Variants in ROBO2 observed in about 807,000 individuals in gnomAD.
The protein encoded by ROBO2 is roundabout guidance receptor 2, also known as roundabout homolog 2.
In ROBO2, 53 loss-of-function variants were observed where a neutral mutation model predicts 160.8. The ratio of observed to expected loss-of-function variants is 0.33; its 90% CI spans 0.26 to 0.41. The LOEUF is 0.41. Ranked by LOEUF, ROBO2 falls within the 10% of genes least tolerant of loss-of-function variation. The pLI is 1.00. For synonymous variants in ROBO2, 664 were observed against 611.7 expected (o/e 1.09, Z -1.26); for missense variants, 1,577 against 1,722.4 (o/e 0.92, Z 1.49).
intron 2 of ROBO2, among the ~76,000 whole-genome samples, chr3:76,342,882 GAC>G (rs2074314049): frequency 6.6e-6 from 1 of 152,052 alleles, no homozygotes; most frequent in Non-Finnish European, 1.5e-5. Flanking sequence ...TTCTATTAGT[GAC>G]ACAGTTGTTT....
rs148043295 is a variant in ROBO2 at position 76,495,867 on chromosome 3, C to T, written c.109+558265C>T. 1.0e-3 allele frequency among the ~76,000 whole-genome samples: 157 copies of T among 152,248 alleles called. 1 individual carries two copies. The highest frequency in any genetic ancestry group is 0.01 in the Middle Eastern group (3 of 294). ...GAAAAGTGATGGACATTTCTTACTA[C>T]AATGATGCATGGTTTTATGTTTCTA... On this transcript the variant is annotated intron_variant, in intron 2 of 26. Transcript: ENST00000487694.
intron 2 of ROBO2, among the ~76,000 whole-genome samples, chr3:75,990,046 A>G (rs1343065592): frequency 1.3e-5 from 2 of 152,160 alleles, no homozygotes; most frequent in Non-Finnish European, 2.9e-5. Context: ...TTTTCTAAAA[A>G]CCATTGTTAA....
intron 2 of ROBO2, among the ~76,000 whole-genome samples, chr3:76,588,133 T>A (rs2086173258): frequency 1.3e-5 from 2 of 152,196 alleles, no homozygotes; most frequent in East Asian, 1.9e-4. Context: ...CAAACCCATA[T>A]CCAGATTACA....
chr3:76,055,671 T>G (rs562610209), intron 2 of ROBO2, among the ~76,000 whole-genome samples: 1 of 152,354 alleles, frequency 6.6e-6, no homozygotes, highest in Non-Finnish European at 1.5e-5. Context: ...AGGGCATGAT[T>G]TTATTATTTT....
chr3:77,571,127 C>T (rs1446646445), intron 13 of ROBO2, among the ~76,000 whole-genome samples: 1 of 151,926 alleles, frequency 6.6e-6, no homozygotes, highest in East Asian at 1.9e-4. Flanking sequence ...ACTCTTTGCC[C>T]ATTAAGCATT....
At chr3:76,395,083 A>T (rs2077362489) in intron 2 of ROBO2, among the ~76,000 whole-genome samples, 2 of 151,950 alleles carry the variant, frequency 1.3e-5, no homozygotes, top group Admixed American at 6.6e-5. Context: ...GAAGTAAAGC[A>T]CTCCTCAGCA....
chr3:77,426,900 C>T (rs1410668431), intron 2 of ROBO2, among the ~76,000 whole-genome samples: 1 of 152,052 alleles, frequency 6.6e-6, no homozygotes, highest in African/African-American at 2.4e-5. Context: ...ACTCAGCTTC[C>T]AAAGTTCATA....
chr3:76,101,753 G>C (rs2069693217), intron 2 of ROBO2, among the ~76,000 whole-genome samples: 1 of 130,858 alleles, frequency 7.6e-6, no homozygotes, highest in Non-Finnish European at 1.5e-5. Flanking sequence ...TCCCCTTCCT[G>C]TGTCCAAGTG....
At chr3:76,153,350 A>G (rs1203091648) in intron 2 of ROBO2, among the ~76,000 whole-genome samples, 1 of 152,200 alleles carries the variant, frequency 6.6e-6, no homozygotes, top group East Asian at 1.9e-4. Context: ...TCATACCAGC[A>G]GAAATGACTT....
chr3:76,987,351 T>TG (rs1459577943), intron 2 of ROBO2, among the ~76,000 whole-genome samples: 13 of 152,114 alleles, frequency 8.5e-5, no homozygotes, highest in East Asian at 5.8e-4. Context: ...TGCCGTGTAG[T>TG]GGGGGGGAGG....
At chr3:77,184,138 C>A (rs998474673) in intron 2 of ROBO2, among the ~76,000 whole-genome samples, 1 of 152,066 alleles carries the variant, frequency 6.6e-6, no homozygotes, top group Non-Finnish European at 1.5e-5. Flanking sequence ...TTTCTTACTG[C>A]TGGACAACAT....
At chr3:76,310,054 T>A (rs1329765802) in intron 2 of ROBO2, among the ~76,000 whole-genome samples, 2 of 151,992 alleles carry the variant, frequency 1.3e-5, no homozygotes, top group Admixed American at 1.3e-4. Context: ...ACTCCTGGGT[T>A]CAAGTTATAC....
chr3:76,233,585 C>T (rs1364169493), intron 2 of ROBO2, among the ~76,000 whole-genome samples: 1 of 152,200 alleles, frequency 6.6e-6, no homozygotes, highest in Non-Finnish European at 1.5e-5. Flanking sequence ...CCAGCAAATA[C>T]AACCTACGCA....
intron 2 of ROBO2, among the ~76,000 whole-genome samples, chr3:76,129,398 G>A (rs1366893375): frequency 6.6e-6 from 1 of 152,092 alleles, no homozygotes; most frequent in Non-Finnish European, 1.5e-5. Context: ...ATATTCAAAT[G>A]TGTCTTTAAA....
intron 19 of ROBO2, 34 bp downstream of exon 20, chr3:77,596,784 G>A: frequency 3.2e-6 from 5 of 1,579,978 alleles, no homozygotes; most frequent in South Asian, 1.1e-5. Context: ...TGTTATTTGA[G>A]TTCTCTCTCT....
intron 2 of ROBO2, among the ~76,000 whole-genome samples, chr3:77,466,069 A>G (rs2082729537): frequency 6.6e-6 from 1 of 152,188 alleles, no homozygotes; most frequent in Non-Finnish European, 1.5e-5. Flanking sequence ...TTAGTAGCAA[A>G]AGAAAAGAAG....
At chr3:77,392,435 G>T (rs544971551) in intron 2 of ROBO2, among the ~76,000 whole-genome samples, 11 of 152,280 alleles carry the variant, frequency 7.2e-5, no homozygotes, top group African/African-American at 2.6e-4. Context: ...CTTGCTGCAG[G>T]CAGAAAGTTT....
At chr3:76,660,794 G>A (rs1251209514) in intron 2 of ROBO2, among the ~76,000 whole-genome samples, 2 of 152,064 alleles carry the variant, frequency 1.3e-5, no homozygotes, top group African/African-American at 4.8e-5. Flanking sequence ...GTACATCAAA[G>A]CTATTTTGAC....
intron 2 of ROBO2, among the ~76,000 whole-genome samples, chr3:77,321,234 A>G (rs1225910059): frequency 6.6e-6 from 1 of 152,150 alleles, no homozygotes; most frequent in African/African-American, 2.4e-5. Flanking sequence ...GAAATATTTT[A>G]GGCTGGGCAC....
Sources: gnomAD v4.1 joint callset for allele counts (sites outside exome capture counted in the v4.1 genomes callset) on GRCh38, gnomAD v4.1.1 for gene constraint, MANE v1.5 for transcripts, NCBI Gene and HGNC (gene_info 2026-07-23, HGNC 2026-07-21) for gene names.